Variants in TMEM178B observed in about 807,000 individuals in gnomAD.
TMEM178B encodes transmembrane protein 178B.
A neutral mutation model predicts 31.0 loss-of-function variants in TMEM178B; 5 were observed. The observed-to-expected ratio is 0.16, with a 90% CI of 0.08 to 0.34. The LOEUF is 0.34. Among genes scored for constraint, TMEM178B ranks in the 10% least tolerant of loss-of-function variants. TMEM178B has a pLI of 1.00. For synonymous variants in TMEM178B, 164 were observed against 164.0 expected (o/e 1.00, Z 0.00); for missense variants, 275 against 400.3 (o/e 0.69, Z 2.67).
chr7:141,383,435 T>C (rs1800366175), intron 2 of TMEM178B, among the ~76,000 whole-genome samples: 1 of 149,528 alleles, frequency 6.7e-6, no homozygotes, highest in African/African-American at 2.5e-5. Flanking sequence ...GTTCTCATTA[T>C]TCAGTTCCCA....
chr7:141,138,983 CAA>C (rs1220991590), intron 1 of TMEM178B, among the ~76,000 whole-genome samples: 1 of 123,596 alleles, frequency 8.1e-6, no homozygotes. Flanking sequence ...GACTCCATGT[CAA>C]AAAAAAAAAG....
intron 2 of TMEM178B, among the ~76,000 whole-genome samples, chr7:141,383,471 C>T (rs1039223850): frequency 6.6e-6 from 1 of 150,924 alleles, no homozygotes; most frequent in South Asian, 2.1e-4. Context: ...ATGCAATGTT[C>T]GGTTTTTTGT....
intron 2 of TMEM178B, among the ~76,000 whole-genome samples, chr7:141,242,580 T>TACA (rs1797643894): frequency 6.7e-6 from 1 of 148,822 alleles, no homozygotes; most frequent in South Asian, 2.1e-4. Flanking sequence ...CTCACTCTGT[T>TACA]GCCCAGGGTG....
chr7:141,328,360 A>C (rs914097992), intron 2 of TMEM178B, among the ~76,000 whole-genome samples: 1 of 152,190 alleles, frequency 6.6e-6, no homozygotes, highest in Non-Finnish European at 1.5e-5. Context: ...AAGAGAAATA[A>C]ATAGGCTTCT....
At chr7:141,189,673 G>A (rs559774129) in intron 1 of TMEM178B, among the ~76,000 whole-genome samples, 3 of 152,336 alleles carry the variant, frequency 2.0e-5, no homozygotes, top group African/African-American at 7.2e-5. Context: ...GTTCGTGGTG[G>A]CAGTGACAGA....
chr7:141,424,071 G>A (rs1372458849), intron 2 of TMEM178B, among the ~76,000 whole-genome samples: 1 of 151,828 alleles, frequency 6.6e-6, no homozygotes, highest in African/African-American at 2.4e-5. Context: ...ACCCACCTTG[G>A]CCTCCCAAAA....
At chr7:141,267,796 G>T (rs1054619997) in intron 2 of TMEM178B, among the ~76,000 whole-genome samples, 1 of 152,246 alleles carries the variant, frequency 6.6e-6, no homozygotes, top group African/African-American at 2.4e-5. Flanking sequence ...GAAGGGCTCT[G>T]CTGGCCTGAT....
At chr7:141,286,055 A>G (rs1380198112) in intron 2 of TMEM178B, among the ~76,000 whole-genome samples, 1 of 152,186 alleles carries the variant, frequency 6.6e-6, no homozygotes, top group Non-Finnish European at 1.5e-5. Context: ...ACAAACCTGC[A>G]CGTTCTGCAC....
chr7:141,388,838 A>G (rs2116600586), intron 2 of TMEM178B, among the ~76,000 whole-genome samples: 1 of 152,330 alleles, frequency 6.6e-6, no homozygotes, highest in African/African-American at 2.4e-5. Context: ...TACATAAACA[A>G]ACAAAAATGA....
At position 141,261,314 on chromosome 7, in the gene TMEM178B, GT is replaced by G. The variant is rs1267426381; in HGVS notation, c.496+48621del. On this transcript the variant is annotated intron_variant, in intron 2 of 3. Transcript: ENST00000565468. ...AAATTGGGAAACCTCACTTGTATAGGTTTTTTTTTTTATTGTCTCCCAAAGC... is the reference window on the plus strand; with the variant it reads ...AAATTGGGAAACCTCACTTGTATAGGTTTTTTTTTTATTGTCTCCCAAAGC... 3.7e-3 allele frequency among the ~76,000 whole-genome samples: 545 copies of G among 146,152 alleles called. 4 individuals carry two copies. Among genetic ancestry groups the G allele is most frequent in the Admixed American group, 0.015 (218 of 14,588 alleles).
chr7:141,478,234 A>G lies in TMEM178B; in HGVS notation c.*7448A>G, dbSNP rs1802409848. 6.5e-6 allele frequency: 1 copy of G among 152,722 alleles called. No homozygotes were observed. Among genetic ancestry groups the G allele is most frequent in the Non-Finnish European group, 1.5e-5 (1 of 68,296 alleles). The allele number at this position is 152,722 out of a possible 1,614,324, so 9.5% of individuals were successfully genotyped here. A position where few individuals can be genotyped will look rare whatever the true frequency, so the allele number is the denominator to read the frequency against. On this transcript the variant is annotated 3_prime_UTR_variant, in exon 4 of 4. Transcript: ENST00000565468. ...CAGAAGCACCAGAAAATCCTCAGCA[A>G]GGCAGCAGAGAAGGATCCTCAAAGC...
intron 2 of TMEM178B, among the ~76,000 whole-genome samples, chr7:141,280,802 C>T (rs1394992121): frequency 6.6e-6 from 1 of 151,984 alleles, no homozygotes; most frequent in Non-Finnish European, 1.5e-5. Flanking sequence ...GCATTTGTGC[C>T]CAGACCCTGG....
At chr7:141,489,532 T>A in the TMEM178B span, among the ~76,000 whole-genome samples, 1 of 152,136 alleles carries the variant, frequency 6.6e-6, no homozygotes, top group Non-Finnish European at 1.5e-5. Context: ...CTTCCCTCAT[T>A]TCTCTTTCCT....
chr7:141,166,500 T>C (rs1451561015), intron 1 of TMEM178B, among the ~76,000 whole-genome samples: 1 of 152,178 alleles, frequency 6.6e-6, no homozygotes, highest in Non-Finnish European at 1.5e-5. Flanking sequence ...GTAGCTCCTT[T>C]GGAAACTGCC....
At chr7:141,436,330 A>G (rs924060247) in intron 2 of TMEM178B, among the ~76,000 whole-genome samples, 6 of 152,072 alleles carry the variant, frequency 3.9e-5, no homozygotes, top group Admixed American at 1.3e-4. Flanking sequence ...CGGGGTGTGG[A>G]TGTGGTTTGC....
chr7:141,192,652 G>C (rs1389690139), intron 1 of TMEM178B, among the ~76,000 whole-genome samples: 4 of 152,178 alleles, frequency 2.6e-5, no homozygotes, highest in African/African-American at 9.7e-5. Flanking sequence ...TTGTAGTAGA[G>C]ATGGGGTTTC....
chr7:141,374,969 T>G (rs1049700775), intron 2 of TMEM178B, among the ~76,000 whole-genome samples: 1 of 152,244 alleles, frequency 6.6e-6, no homozygotes, highest in Non-Finnish European at 1.5e-5. Context: ...TTAAGATATA[T>G]GTCCCCATGT....
intron 1 of TMEM178B, among the ~76,000 whole-genome samples, chr7:141,155,824 G>C (rs1354248114): frequency 1.3e-5 from 2 of 152,164 alleles, no homozygotes; most frequent in African/African-American, 4.8e-5. Flanking sequence ...TAGCACTTTG[G>C]GAAGCTGAGG....
At chr7:141,299,749 T>A (rs1798692857) in intron 2 of TMEM178B, among the ~76,000 whole-genome samples, 1 of 152,212 alleles carries the variant, frequency 6.6e-6, no homozygotes, top group South Asian at 2.1e-4. Context: ...TCTGGAATTC[T>A]GGAAATCAGT....
Sources: allele counts gnomAD v4.1 joint callset (sites outside exome capture counted in the v4.1 genomes callset), GRCh38; gene constraint gnomAD v4.1.1; transcripts MANE v1.5; gene names NCBI Gene and HGNC (gene_info 2026-07-23, HGNC 2026-07-21).